Variants in ZBTB44 observed in about 807,000 individuals in gnomAD.
ZBTB44 encodes zinc finger and BTB domain containing 44, also known as zinc finger and BTB domain-containing protein 44.
A neutral mutation model predicts 54.0 loss-of-function variants in ZBTB44; 15 were observed. That is an observed-to-expected ratio of 0.28 (90% confidence interval 0.19 to 0.43). The LOEUF is 0.43. Among genes scored for constraint, ZBTB44 ranks in the 20% least tolerant of loss-of-function variants. The pLI is 1.00. For synonymous variants in ZBTB44, 230 were observed against 250.1 expected (o/e 0.92, Z 0.76); for missense variants, 487 against 707.1 (o/e 0.69, Z 3.53).
chr11:130,234,030 G>T (rs1461728335), intron 6 of ZBTB44, 126 bp downstream of exon 6: 14 of 1,524,488 alleles, frequency 9.2e-6, no homozygotes, highest in African/African-American at 1.4e-5. Context: ...ATTTTGGGGG[G>T]TCATCTCTGG....
intron 1 of ZBTB44, among the ~76,000 whole-genome samples, chr11:130,267,946 A>C (rs901196966): frequency 1.3e-5 from 2 of 151,616 alleles, no homozygotes; most frequent in African/African-American, 4.8e-5. Flanking sequence ...GGTGGCAGGC[A>C]CCTGTAATCC....
intron 1 of ZBTB44, among the ~76,000 whole-genome samples, chr11:130,305,181 G>A (rs1942200031): frequency 6.6e-6 from 1 of 152,140 alleles, no homozygotes; most frequent in African/African-American, 2.4e-5. Flanking sequence ...TGACCTTACT[G>A]CCAAATGCAA....
intron 1 of ZBTB44, among the ~76,000 whole-genome samples, chr11:130,286,904 T>C (rs976778374): frequency 6.6e-6 from 1 of 152,300 alleles, no homozygotes; most frequent in East Asian, 1.9e-4. Context: ...TATATAAGAA[T>C]ATGGTGCAGC....
chr11:130,313,966 A>ATATT (rs1160244728), intron 1 of ZBTB44, among the ~76,000 whole-genome samples: 1 of 116,134 alleles, frequency 8.6e-6, no homozygotes, highest in African/African-American at 2.8e-5. Context: ...ATATATATAT[A>ATATT]TTTTTTTAAA....
At chr11:130,233,680 C>G (rs1953981033) in intron 6 of ZBTB44, 27 of 1,249,640 alleles carry the variant, frequency 2.2e-5, no homozygotes, top group Non-Finnish European at 2.7e-5. Flanking sequence ...TCCTCTCTAG[C>G]TAATGATCTG....
intron 1 of ZBTB44, among the ~76,000 whole-genome samples, chr11:130,283,934 C>T (rs953575681): frequency 1.5e-5 from 2 of 131,382 alleles, no homozygotes; most frequent in Non-Finnish European, 3.1e-5. Context: ...TGTGCCTTTG[C>T]ACTCTACCCT....
At chr11:130,274,996 A>C (rs1183321749) in intron 1 of ZBTB44, among the ~76,000 whole-genome samples, 1 of 152,218 alleles carries the variant, frequency 6.6e-6, no homozygotes, top group African/African-American at 2.4e-5. Context: ...TGGGCTTTTC[A>C]TTGAAGGTAG....
At chr11:130,298,857 A>T (rs1941829529) in intron 1 of ZBTB44, among the ~76,000 whole-genome samples, 1 of 151,872 alleles carries the variant, frequency 6.6e-6, no homozygotes, top group East Asian at 1.9e-4. Context: ...ACACACACAC[A>T]CAAAACCATC....
intron 1 of ZBTB44, among the ~76,000 whole-genome samples, chr11:130,308,050 C>T (rs1942376333): frequency 1.3e-5 from 2 of 152,150 alleles, no homozygotes; most frequent in Admixed American, 6.5e-5. Context: ...TTTTACTGCA[C>T]CTTTTCTAGG....
chr11:130,245,509 T>C (rs1386559168), intron 2 of ZBTB44, among the ~76,000 whole-genome samples: 3 of 152,222 alleles, frequency 2.0e-5, no homozygotes, highest in Admixed American at 6.5e-5. Flanking sequence ...TCTGAACTTA[T>C]TCAGAGCACA....
intron 1 of ZBTB44, among the ~76,000 whole-genome samples, chr11:130,299,491 C>A (rs879442210): frequency 1.3e-5 from 2 of 149,898 alleles, no homozygotes; most frequent in African/African-American, 4.9e-5. Context: ...AGGCAGAGGT[C>A]GCAGTGAGCC....
chr11:130,266,856 T>C (rs1939283983), intron 1 of ZBTB44, among the ~76,000 whole-genome samples: 2 of 152,296 alleles, frequency 1.3e-5, no homozygotes, highest in South Asian at 4.1e-4. Context: ...CTGGTGAAGA[T>C]ACTAGGAACA....
intron 1 of ZBTB44, among the ~76,000 whole-genome samples, chr11:130,313,508 A>G (rs1942744572): frequency 2.6e-5 from 4 of 152,220 alleles, no homozygotes; most frequent in African/African-American, 9.6e-5. Context: ...ATGAAGATTT[A>G]TACAGTATTT....
chr11:130,236,702 C>A, intron 5 of ZBTB44, 91 bp downstream of exon 5: 2 of 1,254,916 alleles, frequency 1.6e-6, no homozygotes, highest in Non-Finnish European at 2.0e-6. Context: ...AGCTGGCAAC[C>A]TGATGTAAAA....
intron 1 of ZBTB44, among the ~76,000 whole-genome samples, chr11:130,277,199 T>G (rs999879597): frequency 1.3e-5 from 2 of 152,362 alleles, no homozygotes; most frequent in East Asian, 3.9e-4. Flanking sequence ...TCCTCTACTA[T>G]TCCTTTAGTG....
intron 1 of ZBTB44, among the ~76,000 whole-genome samples, chr11:130,298,876 TA>T (rs1941833067): frequency 6.7e-6 from 1 of 149,322 alleles, no homozygotes; most frequent in Non-Finnish European, 1.5e-5. Context: ...TCAGTAAAGA[TA>T]AAAGATCTGC....
At chr11:130,250,532 C>T (rs996720293) in intron 2 of ZBTB44, among the ~76,000 whole-genome samples, 8 of 152,176 alleles carry the variant, frequency 5.3e-5, no homozygotes, top group South Asian at 2.1e-4. Context: ...AGGAGAGCTC[C>T]GGCTGGCATC....
chr11:130,285,145 T>A (rs1565676587), intron 1 of ZBTB44: 1 of 168,956 alleles, frequency 5.9e-6, no homozygotes, highest in Non-Finnish European at 1.4e-5. Flanking sequence ...TCCTTTGAGT[T>A]TGAACTGGTG....
At position 130,233,757 on chromosome 11, in the gene ZBTB44, A is replaced by G. The variant is rs1953985015; in HGVS notation, c.1687-375T>C. 2.6e-6 allele frequency: 3 copies of G among 1,157,294 alleles called. No homozygotes were observed. In the African/African-American group the frequency reaches 4.8e-5, roughly 19 times the overall value. 71.7% of individuals were successfully genotyped at this position (1,157,294 alleles called of 1,614,324 possible). A position where few individuals can be genotyped will look rare whatever the true frequency, so the allele number is the denominator to read the frequency against. ...TGTTTTAAGTCAACCAGTTCTCCTT[A>G]AGTCTCATAGTTTCTGTTTCAACAT... On this transcript the variant is annotated intron_variant, in intron 6 of 7. Coordinates refer to ENST00000357899, the MANE Select transcript of ZBTB44 (RefSeq NM_001301098.2).
Sources: gnomAD v4.1 joint callset for allele counts (sites outside exome capture counted in the v4.1 genomes callset) on GRCh38, gnomAD v4.1.1 for gene constraint, MANE v1.5 for transcripts, NCBI Gene and HGNC (gene_info 2026-07-23, HGNC 2026-07-21) for gene names.